RYR1: variants seen among roughly 807,000 people sequenced by gnomAD.
RYR1 encodes the protein central core disease of muscle.
A neutral mutation model predicts 583.5 loss-of-function variants in RYR1; 342 were observed. The observed-to-expected ratio is 0.59, with a 90% CI of 0.54 to 0.64. RYR1 has a LOEUF of 0.64. Ranked by LOEUF, RYR1 falls within the 30% of genes least tolerant of loss-of-function variation. The probability of loss-of-function intolerance (pLI) is 0.00; values close to 1 mark genes in which losing one functional copy is unlikely to be tolerated. For missense variants in RYR1, 6,032 were observed against 6,917.2 expected (o/e 0.87, Z 4.54); for synonymous variants, 2,791 against 2,822.5 (o/e 0.99, Z 0.35).
rs780785655 is a variant in RYR1 at position 38,502,919 on chromosome 19, C to G, written c.7875C>G (p.Arg2625=). 2.5e-6 allele frequency: 4 copies of G among 1,611,832 alleles called. No homozygotes were observed. Among genetic ancestry groups the G allele is most frequent in the East Asian group, 4.5e-5 (2 of 44,880 alleles). The change falls in exon 49 of 106, where the codon CGC becomes CGG. Residue 2625 remains arginine (R), a synonymous_variant. Transcript: ENST00000359596. The stretch of plus-strand genomic sequence containing the variant: ...CGATGCTGCAGCACCTGTTGCGCCG[C>G]CTGGTGTTCGACGTGCCCATCCTCA... ...RPSMLQHLLR[R]LVFDVPILNE... is the part of the protein sequence containing the mutation.
Position 38,457,589 on chromosome 19 carries a change from T to C in RYR1, c.1884T>C (p.Arg628=), listed in dbSNP as rs1292470318. 1.2e-6 allele frequency: 2 copies of C among 1,614,210 alleles called. No homozygotes were observed. Among genetic ancestry groups the C allele is most frequent in the Admixed American group, 3.3e-5 (2 of 60,026 alleles). ...DLITENLLPG[R]ELLLQTNLIN... is the part of the protein sequence containing the mutation. ...TTACTGAGAACTTGCTGCCTGGCCG[T>C]GAGCTTCTGCTGCAGACAAACCTCA... The change falls in exon 17 of 106, where the codon CGT becomes CGC. Residue 628 remains arginine, a synonymous_variant. Coordinates refer to ENST00000359596, the MANE Select transcript of RYR1 (RefSeq NM_000540.3).
intron 60 of RYR1, 43 bp from the exon 61 acceptor site, chr19:38,511,518 A>G (rs1017065759): frequency 6.2e-7 from 1 of 1,608,380 alleles, no homozygotes; most frequent in African/African-American, 1.3e-5. Flanking sequence ...TGGCCTCCTC[A>G]CTCGCTGTTT....
chr19:38,529,966 C>G (rs1001354150), intron 76 of RYR1, among the ~76,000 whole-genome samples: 1 of 152,004 alleles, frequency 6.6e-6, no homozygotes, highest in Non-Finnish European at 1.5e-5. Context: ...ATTTATTTTT[C>G]ATTTTGTTTA....
chr19:38,456,273 C>CTT (rs1158235612), intron 16 of RYR1, among the ~76,000 whole-genome samples: 2 of 66,192 alleles, frequency 3.0e-5, no homozygotes, highest in African/African-American at 1.0e-4. Flanking sequence ...CAGCGCCTGG[C>CTT]ATTTTTTTTT....
intron 81 of RYR1, 190 bp downstream of exon 81, chr19:38,535,582 C>T: frequency 1.5e-6 from 1 of 654,450 alleles, no homozygotes; most frequent in Non-Finnish European, 2.8e-6. Flanking sequence ...ATGTCATAGA[C>T]TTGAAGAATG....
intron 48 of RYR1, 76 bp from the exon 49 acceptor site, chr19:38,502,804 C>CAGGGGT: frequency 1.2e-6 from 1 of 861,440 alleles, no homozygotes; most frequent in Non-Finnish European, 1.5e-6. Flanking sequence ...GGGGCAGGGG[C>CAGGGGT]AGGGGGAGGA....
chr19:38,499,682 C>T lies in RYR1; in HGVS notation c.7075C>T (p.Arg2359Trp), dbSNP rs769482889. 4.4e-6 allele frequency: 7 copies of T among 1,600,018 alleles called. No homozygotes were observed. The highest frequency in any genetic ancestry group is 3.3e-5 in the Admixed American group (2 of 59,984). ...CAATGTGGTGGTGCGGCTGCTCATC[C>T]GGAAGCCTGAGTGCTTCGGACCCGC... ...NANVVVRLLI[R>W]KPECFGPALR... is the part of the protein sequence containing the mutation. The change falls in exon 44 of 106, where the codon CGG becomes TGG. Residue 2359 changes from arginine to tryptophan, a missense_variant. By Grantham distance (101) the Arg-to-Trp change is moderately radical. Transcript: ENST00000359596. The surrounding 1 kb of genome is among the most constrained non-coding windows in gnomAD (Gnocchi z 7.3).
chr19:38,505,525 C>T (rs1970404699), intron 53 of RYR1, 127 bp downstream of exon 53: 2 of 800,896 alleles, frequency 2.5e-6, no homozygotes, highest in East Asian at 5.3e-5. Flanking sequence ...TCTCCCCATT[C>T]ATGGACTTTG....
chr19:38,488,676 T>C (rs1969408820), intron 34 of RYR1, among the ~76,000 whole-genome samples: 1 of 152,114 alleles, frequency 6.6e-6, no homozygotes, highest in African/African-American at 2.4e-5. Context: ...TAATTTTTTT[T>C]TGTATTTTTG....
Position 38,527,706 on chromosome 19 carries a change from CGAG to C in RYR1, c.10752_10754del (p.Glu3584del). On this transcript the variant is annotated inframe_deletion, in exon 73 of 106. Transcript: ENST00000359596. ...CTCTGTACCGGGGCGTCCCGGGTCG[CGAG>C]GAGGACGCCGATGACCCCGAGAAAA... 1 of 1,614,030 alleles carries C rather than the reference CGAG, an allele frequency of 6.2e-7. No homozygotes were observed. The highest frequency in any genetic ancestry group is 1.1e-5 in the South Asian group (1 of 91,068).
rs754336536 is a variant in RYR1 at position 38,512,457 on chromosome 19, A to G, written c.9446A>G (p.Gln3149Arg). 8 of 1,612,922 alleles carry G rather than the reference A, an allele frequency of 5.0e-6. No homozygotes were observed. The highest frequency in any genetic ancestry group is 2.7e-5 in the African/African-American group (2 of 74,952). Residue 3149 changes from glutamine to arginine, a missense_variant, in exon 63 of 106, where the codon CAG becomes CGG. Gln to Arg is a conservative substitution (Grantham distance 43). Around this residue, in one of 11 missense-constraint regions of RYR1, gnomAD observed 1,493 missense variants for 1,715.5 expected, o/e 0.87. Coordinates refer to ENST00000359596, the MANE Select transcript of RYR1 (RefSeq NM_000540.3). The surrounding 1 kb of genome is among the most constrained non-coding windows in gnomAD (Gnocchi z 5.1). ...ACCACCCTCTTCCAGCACATCGCCC[A>G]GCACCAGTTCGGAGATGACGTCATC... ...VLTTLFQHIAQHQFGDDVILD... is the reference protein window; with the variant it reads ...VLTTLFQHIARHQFGDDVILD...
intron 90 of RYR1, among the ~76,000 whole-genome samples, 174 bp from the exon 91 acceptor site, chr19:38,564,785 T>C (rs1973310763): frequency 6.6e-6 from 1 of 152,210 alleles, no homozygotes; most frequent in Non-Finnish European, 1.5e-5. Context: ...CAAAGTGCTA[T>C]GATTACAGGC....
Position 38,489,697 on chromosome 19 carries a change from C to T in RYR1, c.5814+254C>T, listed in dbSNP as rs145450505. Among the ~76,000 whole-genome samples, 12 of 152,250 alleles carry T rather than the reference C, an allele frequency of 7.9e-5. No homozygotes were observed. In the East Asian group the frequency reaches 2.1e-3, roughly 27 times the overall value. On this transcript the variant is annotated intron_variant, in intron 35 of 105. Coordinates refer to ENST00000359596, the MANE Select transcript of RYR1 (RefSeq NM_000540.3). ...AGGCTGGAATACAGTGGTGCGATCT[C>T]GGCTCACTGTAACCTCCGCCTCCCG...
intron 61 of RYR1, 149 bp downstream of exon 61, chr19:38,511,759 G>A: frequency 9.9e-7 from 1 of 1,011,898 alleles, no homozygotes; most frequent in Non-Finnish European, 1.5e-6. Context: ...CCGGGGGGTA[G>A]GGCAGTGACT....
intron 1 of RYR1, among the ~76,000 whole-genome samples, chr19:38,435,771 A>G (rs191134201): frequency 7.2e-5 from 11 of 152,298 alleles, no homozygotes; most frequent in Admixed American, 3.9e-4. Context: ...CATCCCGCCC[A>G]TAAGAAACAT....
At chr19:38,510,414 T>G in intron 58 of RYR1, 84 bp from the exon 59 acceptor site, 1 of 1,391,028 alleles carries the variant, frequency 7.2e-7, no homozygotes. Flanking sequence ...ATTTCCCAAC[T>G]CTGCTCCCAG....
intron 31 of RYR1, among the ~76,000 whole-genome samples, chr19:38,479,908 C>T (rs1306741283): frequency 2.0e-5 from 3 of 151,288 alleles, no homozygotes; most frequent in South Asian, 2.1e-4. Context: ...ATTGTGCAGA[C>T]GGGGTCTCAC....
At chr19:38,498,019 G>A (rs1319046715) in intron 42 of RYR1, among the ~76,000 whole-genome samples, 1 of 152,138 alleles carries the variant, frequency 6.6e-6, no homozygotes, top group Non-Finnish European at 1.5e-5. Context: ...TGACATTTGT[G>A]TAAAGCTCTG....
At chr19:38,455,784 G>T in intron 16 of RYR1, 33 bp downstream of exon 16, 1 of 1,340,206 alleles carries the variant, frequency 7.5e-7, no homozygotes, top group South Asian at 1.2e-5. Flanking sequence ...CTCATCCCCT[G>T]AACTCTGAAT....
Sources: gnomAD v4.1 joint callset for allele counts (sites outside exome capture counted in the v4.1 genomes callset) on GRCh38, gnomAD v4.1.1 for gene constraint, gnomAD v4.1.1 regional missense constraint, Gnocchi (gnomAD v3.1) non-coding constraint, MANE v1.5 for transcripts, NCBI Gene and HGNC (gene_info 2026-07-23, HGNC 2026-07-21) for gene names.